JAKMIP1: variants seen among roughly 807,000 people sequenced by gnomAD.
The protein encoded by JAKMIP1 is janus kinase and microtubule interacting protein 1.
In JAKMIP1, 33 loss-of-function variants were observed where a neutral mutation model predicts 113.0. The ratio of observed to expected loss-of-function variants is 0.29; its 90% CI spans 0.22 to 0.39. JAKMIP1 has a LOEUF of 0.39. Among genes scored for constraint, JAKMIP1 ranks in the 10% least tolerant of loss-of-function variants. JAKMIP1 has a pLI of 1.00. For synonymous variants in JAKMIP1, 480 were observed against 459.9 expected, an observed-to-expected ratio of 1.04 and a Z score of -0.56; for missense variants, 813 against 1,080.5, an observed-to-expected ratio of 0.75 and a Z score of 3.47.
chr4:6,114,288 C>T (rs77056060), intron 1 of JAKMIP1, among the ~76,000 whole-genome samples: 3,247 of 152,252 alleles, frequency 0.021, 75 homozygotes, highest in African/African-American at 0.056. Flanking sequence ...AGGGAGGCTA[C>T]AGAAGATGGT....
At position 6,108,497 on chromosome 4, in the gene JAKMIP1, C is replaced by T. The variant is rs73198061; in HGVS notation, c.130-2530G>A. 0.12 allele frequency among the ~76,000 whole-genome samples: 17,919 copies of T among 152,126 alleles called. 1,179 individuals are homozygous for T. The highest frequency in any genetic ancestry group is 0.14 in the Non-Finnish European group (9,538 of 67,974). ...AAATTATCTGAACCACCAGCACCAC[C>T]CTCACTTGCCACTCCCACTCAGAGA... On this transcript the variant is annotated intron_variant, in intron 2 of 20. Transcript: ENST00000409021. This position sits in a 1 kb window ranked among gnomAD's most constrained non-coding sequence, Gnocchi z 5.6.
rs1157169547 is a variant in JAKMIP1 at position 6,137,239 on chromosome 4, C to G, written c.-147-24242G>C. Among the ~76,000 whole-genome samples the G allele has an allele frequency of 6.6e-6, 1 of 152,206 alleles. No homozygotes were observed. The highest frequency in any genetic ancestry group is 1.5e-5 in the Non-Finnish European group (1 of 68,040). ...TCCACCTGACAGGACATGTGCTATG[C>G]CAGGTCCTGGCTTCCCCGTGCCAGC... On this transcript the variant is annotated intron_variant, in intron 1 of 20. Coordinates refer to ENST00000409021, the MANE Select transcript of JAKMIP1 (RefSeq NM_001099433.2). This position sits in a 1 kb window ranked among gnomAD's most constrained non-coding sequence, Gnocchi z 4.5.
intron 5 of JAKMIP1, among the ~76,000 whole-genome samples, chr4:6,084,339 T>G (rs913115475): frequency 2.7e-5 from 4 of 149,486 alleles, no homozygotes; most frequent in South Asian, 2.1e-4. Context: ...AAAAAAAGAA[T>G]AATTTCTAAT....
intron 1 of JAKMIP1, among the ~76,000 whole-genome samples, chr4:6,173,395 A>G (rs1724975955): frequency 6.6e-6 from 1 of 152,240 alleles, no homozygotes; most frequent in African/African-American, 2.4e-5. Flanking sequence ...AACTTCGTCA[A>G]AAGCCTCTGG....
chr4:6,047,622 C>A (rs1031838688), intron 16 of JAKMIP1, among the ~76,000 whole-genome samples: 14 of 152,162 alleles, frequency 9.2e-5, no homozygotes, highest in African/African-American at 3.4e-4. Flanking sequence ...CAAGGTTTGG[C>A]CATAAGTCTT....
At chr4:6,101,065 C>A (rs1417031259) in intron 3 of JAKMIP1, among the ~76,000 whole-genome samples, 2 of 152,168 alleles carry the variant, frequency 1.3e-5, no homozygotes, top group Non-Finnish European at 2.9e-5. Flanking sequence ...GTACAACCCT[C>A]TCTGAATAGT....
intron 1 of JAKMIP1, among the ~76,000 whole-genome samples, chr4:6,182,666 C>T (rs113932972): frequency 0.012 from 1,810 of 152,274 alleles, 33 homozygotes; most frequent in African/African-American, 0.041. Context: ...TCTGCTATGG[C>T]AGCCAAATGG....
At position 6,147,162 on chromosome 4, in the gene JAKMIP1, A is replaced by G. The variant is rs993668024; in HGVS notation, c.-147-34165T>C. On this transcript the variant is annotated intron_variant, in intron 1 of 20. Coordinates refer to ENST00000409021, the MANE Select transcript of JAKMIP1 (RefSeq NM_001099433.2). Reference sequence around the variant, plus strand: ...TTTTTAGTAGAGACAGGGTTTCACCATGTTGGCCAGGCTGGTCTCAAACTC... The same window carrying G: ...TTTTTAGTAGAGACAGGGTTTCACCGTGTTGGCCAGGCTGGTCTCAAACTC... Among the ~76,000 whole-genome samples the G allele has an allele frequency of 9.9e-5, 15 of 152,062 alleles. No individual in the cohort carries two copies. The East Asian group carries it at 2.5e-3, about 26-fold the overall frequency.
At position 6,080,269 on chromosome 4, in the gene JAKMIP1, G is replaced by T; in HGVS notation, c.1145C>A (p.Ser382Tyr). 1 of 1,614,192 alleles carries T rather than the reference G, an allele frequency of 6.2e-7. No individual in the cohort carries two copies. ...CCTCGTCAGGCTGAGGTCATTCAAG[G>T]AGGTATGCCGCTTCAGAGACGCCTG... is the stretch of plus-strand genomic sequence containing the variant. Reference protein sequence around the residue: ...SAQASLKRHTSLNDLSLTRDE... With the variant: ...SAQASLKRHTYLNDLSLTRDE... Residue 382 changes from serine to tyrosine, a missense_variant, in exon 7 of 21, where the codon TCC (serine) becomes TAC (tyrosine). Around this residue, in one of 2 missense-constraint regions of JAKMIP1, gnomAD observed 540 missense variants for 653.9 expected, o/e 0.83. Coordinates refer to ENST00000409021, the MANE Select transcript of JAKMIP1 (RefSeq NM_001099433.2). This position sits in a 1 kb window ranked among gnomAD's most constrained non-coding sequence, Gnocchi z 6.0.
rs1052535666 is a variant in JAKMIP1 at position 6,156,234 on chromosome 4, G to A, written c.-147-43237C>T. ...CAAAGCCAGCCCTCGGAAGTGGCCC[G>A]CCAACACAGGAACAAGCGAATGCCA... On this transcript the variant is annotated intron_variant, in intron 1 of 20. Transcript: ENST00000409021. The surrounding 1 kb of genome is among the most constrained non-coding windows in gnomAD (Gnocchi z 5.0). Among the ~76,000 whole-genome samples, 12 of 152,178 alleles carry A rather than the reference G, an allele frequency of 7.9e-5. No individual in the cohort carries two copies. Among genetic ancestry groups the A allele is most frequent in the Admixed American group, 4.6e-4 (7 of 15,288 alleles).
chr4:6,083,796 GATGT>G (rs1720916885), intron 5 of JAKMIP1, among the ~76,000 whole-genome samples: 1 of 152,026 alleles, frequency 6.6e-6, no homozygotes, highest in Admixed American at 6.6e-5. Context: ...TCAAGAAGTT[GATGT>G]ATCAACTGCC....
chr4:6,039,372 C>T (rs1578058303), intron 18 of JAKMIP1, among the ~76,000 whole-genome samples: 1 of 152,352 alleles, frequency 6.6e-6, no homozygotes, highest in South Asian at 2.1e-4. Context: ...CACCCTTTAG[C>T]ACGCTAAGAC....
rs1051115876 is a variant in JAKMIP1, at chr4:6,108,644, C to T, written c.130-2677G>A. Among the ~76,000 whole-genome samples the T allele has an allele frequency of 6.6e-6, 1 of 152,172 alleles. No homozygotes were observed. The highest frequency in any genetic ancestry group is 2.4e-5 in the African/African-American group (1 of 41,444). On this transcript the variant is annotated intron_variant, in intron 2 of 20. Coordinates refer to ENST00000409021, the MANE Select transcript of JAKMIP1 (RefSeq NM_001099433.2). The surrounding 1 kb of genome is among the most constrained non-coding windows in gnomAD (Gnocchi z 5.6). ...GCCCAAGCCACCTGCAGCAGCCCTCCCCGCCACACCCTCCATGCTCAAAGC... is the reference window on the plus strand; with the variant it reads ...GCCCAAGCCACCTGCAGCAGCCCTCTCCGCCACACCCTCCATGCTCAAAGC...
In JAKMIP1 at chr4:6,081,581, G is replaced by C. The variant is rs749602996; in HGVS notation, c.1101+28C>G. ...TCCCAGACAGAGAAGGGAGTGTCAG[G>C]GCTGTCCCCAAGGGGTCCACAGCTC... On this transcript the variant is annotated intron_variant, in intron 6 of 20. Transcript: ENST00000409021. The surrounding 1 kb of genome is among the most constrained non-coding windows in gnomAD (Gnocchi z 4.6). 2.5e-6 allele frequency: 4 copies of C among 1,613,328 alleles called. No individual in the cohort carries two copies. The East Asian group carries it at 8.9e-5, about 36-fold the overall frequency.
intron 1 of JAKMIP1, among the ~76,000 whole-genome samples, chr4:6,159,198 A>T (rs1366315182): frequency 6.6e-6 from 1 of 152,226 alleles, no homozygotes; most frequent in Admixed American, 6.5e-5. Context: ...AGGAACGAAT[A>T]AAACTGGATA....
At chr4:6,026,914 T>C (rs147948903) in intron 20 of JAKMIP1, among the ~76,000 whole-genome samples, 2,891 of 151,404 alleles carry the variant, frequency 0.019, 40 homozygotes, top group Non-Finnish European at 0.032. Context: ...TTAGTGTTAG[T>C]GTAATTTATG....
intron 1 of JAKMIP1, among the ~76,000 whole-genome samples, chr4:6,195,550 T>C (rs2109067865): frequency 6.6e-6 from 1 of 152,310 alleles, no homozygotes; most frequent in Non-Finnish European, 1.5e-5. Flanking sequence ...TAAAATTAAA[T>C]TAGAAGCTAA....
rs1459007999 is a variant in JAKMIP1 at position 6,186,460 on chromosome 4, A to T, written c.-148+13793T>A. Among the ~76,000 whole-genome samples the T allele has an allele frequency of 1.3e-5, 2 of 152,240 alleles. No homozygotes were observed. Among genetic ancestry groups the T allele is most frequent in the Admixed American group, 1.3e-4 (2 of 15,292 alleles). ...GTCTGGCTGGCAAGAACTGAACATC[A>T]GCTACAGGCCAGGCATGGCTTGATG... On this transcript the variant is annotated intron_variant, in intron 1 of 20. Coordinates refer to ENST00000409021, the MANE Select transcript of JAKMIP1 (RefSeq NM_001099433.2). The surrounding 1 kb of genome is among the most constrained non-coding windows in gnomAD (Gnocchi z 5.5).
intron 20 of JAKMIP1, 88 bp downstream of exon 20, chr4:6,029,628 T>G (rs1385006889): frequency 2.3e-5 from 20 of 867,444 alleles, no homozygotes; most frequent in Non-Finnish European, 3.8e-5. Flanking sequence ...AGACAGAGTC[T>G]ATGCTTTGGA....
Sources: gnomAD v4.1 joint callset for allele counts (sites outside exome capture counted in the v4.1 genomes callset) on GRCh38, gnomAD v4.1.1 for gene constraint, gnomAD v4.1.1 regional missense constraint, Gnocchi (gnomAD v3.1) non-coding constraint, MANE v1.5 for transcripts, NCBI Gene and HGNC (gene_info 2026-07-23, HGNC 2026-07-21) for gene names.